The following GLI3 variants were observed in gnomAD, a reference collection of about 807,000 sequenced individuals.
GLI3 encodes the protein GLI family zinc finger 3.
A neutral mutation model predicts 100.8 loss-of-function variants in GLI3; 20 were observed. That is an observed-to-expected ratio of 0.20 (90% confidence interval 0.14 to 0.29). GLI3 has a LOEUF of 0.29. Among genes scored for constraint, GLI3 ranks in the 10% least tolerant of loss-of-function variants. The pLI, the probability that GLI3 is intolerant of heterozygous loss-of-function variation, is 1.00. For missense variants in GLI3, 2,040 were observed against 2,128.5 expected (o/e 0.96, Z 0.82); for synonymous variants, 938 against 860.5 (o/e 1.09, Z -1.58).
At chr7:41,982,792 G>C (rs1024257464) in intron 10 of GLI3, among the ~76,000 whole-genome samples, 4 of 152,172 alleles carry the variant, frequency 2.6e-5, no homozygotes. Context: ...AGCACTGGAG[G>C]GCAATGGAGG....
intron 2 of GLI3, among the ~76,000 whole-genome samples, chr7:42,185,386 C>T (rs3779174): frequency 0.074 from 11,264 of 152,276 alleles, 433 homozygotes; most frequent in African/African-American, 0.099. Flanking sequence ...TGCTCTCCCG[C>T]ATCTTTTTCC....
chr7:41,961,293 A>G lies in GLI3; in HGVS notation c.*3037T>C, dbSNP rs1787005700. On this transcript the variant is annotated 3_prime_UTR_variant, in exon 15 of 15. Coordinates refer to ENST00000395925, the MANE Select transcript of GLI3 (RefSeq NM_000168.6). ...AGGATACACAAGGGTAACTTGTCAG[A>G]AGAGAACATCCTCCTATCAGTTCAA... 1 of 152,566 alleles carries G rather than the reference A, an allele frequency of 6.6e-6. No individual in the cohort carries two copies. The highest frequency in any genetic ancestry group is 2.4e-5 in the African/African-American group (1 of 41,436). 9.5% of individuals were successfully genotyped at this position (152,566 alleles called of 1,614,324 possible).
At chr7:42,152,982 G>T in intron 2 of GLI3, among the ~76,000 whole-genome samples, 1 of 152,210 alleles carries the variant, frequency 6.6e-6, no homozygotes, top group East Asian at 1.9e-4. Context: ...AAAGGCTGGA[G>T]CCTAGACCTC....
chr7:42,169,613 C>G (rs1056851181), intron 2 of GLI3, among the ~76,000 whole-genome samples: 3 of 152,100 alleles, frequency 2.0e-5, no homozygotes, highest in African/African-American at 7.2e-5. Flanking sequence ...TTGCTGGGTA[C>G]ATACCCAAAG....
chr7:42,116,487 G>GAA (rs1166291083), intron 3 of GLI3, among the ~76,000 whole-genome samples: 4,695 of 92,194 alleles, frequency 0.051, 252 homozygotes, highest in African/African-American at 0.14. Context: ...TCTGCAAAAA[G>GAA]AAAAAAAAAA....
intron 2 of GLI3, among the ~76,000 whole-genome samples, chr7:42,193,569 T>G (rs1787870476): frequency 6.6e-6 from 1 of 152,218 alleles, no homozygotes; most frequent in Admixed American, 6.5e-5. Flanking sequence ...GGACGTTTTC[T>G]CCCATGCCCA....
chr7:42,150,573 T>C (rs899020829), intron 2 of GLI3, among the ~76,000 whole-genome samples: 2 of 152,276 alleles, frequency 1.3e-5, no homozygotes, highest in Admixed American at 1.3e-4. Context: ...AGGTGCAAAT[T>C]CTGTAGAAAG....
chr7:41,985,316 T>C (rs1309147645), intron 10 of GLI3, among the ~76,000 whole-genome samples: 2 of 152,252 alleles, frequency 1.3e-5, no homozygotes, highest in Non-Finnish European at 2.9e-5. Flanking sequence ...TAAATGCAGC[T>C]TGAGTTAATT....
At chr7:41,967,065 T>C (rs2128706602) in intron 14 of GLI3, among the ~76,000 whole-genome samples, 1 of 152,340 alleles carries the variant, frequency 6.6e-6, no homozygotes, top group South Asian at 2.1e-4. Context: ...GAGTTTCACA[T>C]TCACGCTCAG....
chr7:42,004,479 AC>A (rs1788392884), intron 10 of GLI3, among the ~76,000 whole-genome samples: 1 of 152,182 alleles, frequency 6.6e-6, no homozygotes, highest in Non-Finnish European at 1.5e-5. Flanking sequence ...AACCCAGTAT[AC>A]CTTTGCTATT....
At chr7:42,101,647 G>A in intron 3 of GLI3, among the ~76,000 whole-genome samples, 1 of 147,888 alleles carries the variant, frequency 6.8e-6, no homozygotes, top group East Asian at 1.9e-4. Flanking sequence ...ATATGCTGCT[G>A]AATTTCGTTT....
At chr7:42,094,351 C>T (rs1785291995) in intron 3 of GLI3, among the ~76,000 whole-genome samples, 1 of 152,146 alleles carries the variant, frequency 6.6e-6, no homozygotes, top group Admixed American at 6.5e-5. Flanking sequence ...ACCTGTAATC[C>T]CAGCACTTTG....
chr7:42,123,906 T>G (rs889844461), intron 3 of GLI3, among the ~76,000 whole-genome samples: 2 of 152,102 alleles, frequency 1.3e-5, no homozygotes, highest in African/African-American at 4.8e-5. Context: ...GATTCAGGAG[T>G]CTGGCACGAA....
intron 2 of GLI3, among the ~76,000 whole-genome samples, chr7:42,212,727 G>A (rs1001721351): frequency 2.0e-5 from 3 of 152,160 alleles, no homozygotes; most frequent in South Asian, 2.1e-4. Context: ...CATCATTAGC[G>A]CCTTTGATCA....
At chr7:42,200,378 T>C (rs1185679086) in intron 2 of GLI3, among the ~76,000 whole-genome samples, 1 of 152,212 alleles carries the variant, frequency 6.6e-6, no homozygotes, top group Non-Finnish European at 1.5e-5. Flanking sequence ...GTAAAAGGAA[T>C]GAAGGAAAGA....
chr7:42,011,353 G>T (rs1416933023), intron 10 of GLI3, among the ~76,000 whole-genome samples: 2 of 152,328 alleles, frequency 1.3e-5, no homozygotes, highest in East Asian at 3.9e-4. Flanking sequence ...CATAGCTTTA[G>T]CAGTTTCTGA....
chr7:42,261,553 G>A (rs1583680062), intron 1 of GLI3, among the ~76,000 whole-genome samples: 1 of 152,136 alleles, frequency 6.6e-6, no homozygotes, highest in Non-Finnish European at 1.5e-5. Flanking sequence ...AACTTAGTTG[G>A]GGGAGTTACA....
rs115677228 is a variant in GLI3 at position 41,997,858 on chromosome 7, T to C, written c.1498-19110A>G. On this transcript the variant is annotated intron_variant, in intron 10 of 14. Coordinates refer to ENST00000395925, the MANE Select transcript of GLI3 (RefSeq NM_000168.6). ...CAATAATCTGTTTCCTCATATTTCA[T>C]TGTAGCTGCAGTTAAGCCGTTCACC... is the stretch of plus-strand genomic sequence containing the variant. Among the ~76,000 whole-genome samples, 516 of 152,212 alleles carry C rather than the reference T, an allele frequency of 3.4e-3. 4 individuals carry two copies. The highest frequency in any genetic ancestry group is 0.012 in the African/African-American group (488 of 41,524).
At chr7:42,121,222 T>C (rs1362958169) in intron 3 of GLI3, among the ~76,000 whole-genome samples, 2 of 152,204 alleles carry the variant, frequency 1.3e-5, no homozygotes, top group Admixed American at 1.3e-4. Context: ...TCTCAAACTT[T>C]CGCTGCATCA....
Sources: gnomAD v4.1 joint callset for allele counts (sites outside exome capture counted in the v4.1 genomes callset) on GRCh38, gnomAD v4.1.1 for gene constraint, MANE v1.5 for transcripts, NCBI Gene and HGNC (gene_info 2026-07-23, HGNC 2026-07-21) for gene names.